Variants in AMBRA1 observed in about 807,000 individuals in gnomAD.
The protein encoded by AMBRA1 is activating molecule in BECN1-regulated autophagy protein 1.
AMBRA1 carries 47 observed loss-of-function variants against 125.4 expected under a neutral mutation model. The observed-to-expected ratio is 0.37, with a 90% confidence interval of 0.30 to 0.48. The LOEUF is 0.48. AMBRA1 is among the 20% of genes least tolerant of loss of function. AMBRA1 has a pLI of 0.99. For missense variants in AMBRA1, 1,331 were observed against 1,693.4 expected, an observed-to-expected ratio of 0.79 and a Z score of 3.76; for synonymous variants, 626 against 655.5, an observed-to-expected ratio of 0.95 and a Z score of 0.69.
intron 1 of AMBRA1, among the ~76,000 whole-genome samples, chr11:46,574,734 C>G (rs1308527366): frequency 3.3e-5 from 5 of 152,186 alleles, no homozygotes; most frequent in Non-Finnish European, 7.3e-5. Context: ...CTCTTGGGCA[C>G]CTCCAAAGAA....
intron 1 of AMBRA1, among the ~76,000 whole-genome samples, chr11:46,571,926 G>C (rs1364694759): frequency 6.6e-6 from 1 of 152,012 alleles, no homozygotes; most frequent in Non-Finnish European, 1.5e-5. Context: ...CTGACCTCGT[G>C]ATCCGCCTGC....
intron 1 of AMBRA1, among the ~76,000 whole-genome samples, chr11:46,551,449 T>C (rs1213003892): frequency 1.3e-5 from 2 of 152,164 alleles, no homozygotes; most frequent in Non-Finnish European, 2.9e-5. Flanking sequence ...AGTAGCTAAC[T>C]TTTAAAATTA....
At chr11:46,526,262 C>T (rs1951966263) in intron 7 of AMBRA1, among the ~76,000 whole-genome samples, 1 of 151,812 alleles carries the variant, frequency 6.6e-6, no homozygotes, top group Non-Finnish European at 1.5e-5. Context: ...AGATATGGCC[C>T]TTAGAGTAGT....
intron 11 of AMBRA1, among the ~76,000 whole-genome samples, chr11:46,485,540 T>C (rs1267192863): frequency 6.6e-6 from 1 of 152,212 alleles, no homozygotes; most frequent in African/African-American, 2.4e-5. Flanking sequence ...ACATAGATAT[T>C]GGGCTACTCC....
intron 14 of AMBRA1, among the ~76,000 whole-genome samples, chr11:46,430,521 A>C (rs763545801): frequency 2.6e-5 from 4 of 152,370 alleles, no homozygotes; most frequent in Non-Finnish European, 5.9e-5. Context: ...CAAGAACCAC[A>C]GTTTGAGAAG....
intron 1 of AMBRA1, among the ~76,000 whole-genome samples, chr11:46,586,213 CTGGCCAACA>C (rs1276171557): frequency 2.4e-4 from 37 of 152,244 alleles, no homozygotes; most frequent in Admixed American, 2.2e-3. Flanking sequence ...CAACACAAGC[CTGGCCAACA>C]TGGCAAAACT....
chr11:46,433,166 C>G (rs573338094), intron 14 of AMBRA1, among the ~76,000 whole-genome samples: 1 of 152,314 alleles, frequency 6.6e-6, no homozygotes, highest in East Asian at 1.9e-4. Context: ...TTCATTGGGT[C>G]CTTTATGCAT....
At chr11:46,591,179 T>TA (rs2044582726) in intron 1 of AMBRA1, 2 of 152,344 alleles carry the variant, frequency 1.3e-5, no homozygotes, top group African/African-American at 4.8e-5. Context: ...ATAGTCCTTA[T>TA]AACTCTAAAT....
intron 1 of AMBRA1, among the ~76,000 whole-genome samples, chr11:46,557,136 C>CAA (rs760490717): frequency 2.6e-5 from 3 of 113,254 alleles, no homozygotes; most frequent in Admixed American, 9.2e-5. Flanking sequence ...AACTCCATCT[C>CAA]AAAAAAAAAA....
chr11:46,577,991 T>A (rs1208976825), intron 1 of AMBRA1, among the ~76,000 whole-genome samples: 2 of 151,932 alleles, frequency 1.3e-5, no homozygotes, highest in South Asian at 4.1e-4. Context: ...AGAAGCTGAG[T>A]GTGGTGGTTT....
chr11:46,439,825 A>G (rs1947914434), intron 12 of AMBRA1, among the ~76,000 whole-genome samples: 1 of 152,218 alleles, frequency 6.6e-6, no homozygotes, highest in African/African-American at 2.4e-5. Context: ...ACAGGTCAAG[A>G]GAAGGGAACA....
chr11:46,515,921 G>A (rs1327680231), intron 7 of AMBRA1, among the ~76,000 whole-genome samples: 4 of 152,124 alleles, frequency 2.6e-5, no homozygotes, highest in Non-Finnish European at 5.9e-5. Flanking sequence ...TGATCCGCCC[G>A]CTTTGGCCTC....
At chr11:46,492,077 C>T (rs892946493) in intron 11 of AMBRA1, among the ~76,000 whole-genome samples, 1 of 152,184 alleles carries the variant, frequency 6.6e-6, no homozygotes, top group African/African-American at 2.4e-5. Context: ...AAAGCTTTAA[C>T]GTGCCTTCGG....
chr11:46,475,243 G>T (rs745807804), intron 11 of AMBRA1, among the ~76,000 whole-genome samples: 4 of 152,188 alleles, frequency 2.6e-5, no homozygotes, highest in East Asian at 1.9e-4. Context: ...AATAAGAGAA[G>T]AATTCAAGTC....
At chr11:46,488,787 GAAC>G (rs1950354077) in intron 11 of AMBRA1, among the ~76,000 whole-genome samples, 1 of 152,074 alleles carries the variant, frequency 6.6e-6, no homozygotes, top group Non-Finnish European at 1.5e-5. Flanking sequence ...TTAAATAAGA[GAAC>G]AACAGAAGGA....
chr11:46,433,335 T>C, intron 14 of AMBRA1, 139 bp downstream of exon 14: 1 of 1,084,006 alleles, frequency 9.2e-7, no homozygotes, highest in Non-Finnish European at 1.3e-6. Context: ...ATGGATGGGC[T>C]TGACTACAGC....
At chr11:46,525,207 A>C (rs1402393285) in intron 7 of AMBRA1, among the ~76,000 whole-genome samples, 1 of 152,200 alleles carries the variant, frequency 6.6e-6, no homozygotes, top group Non-Finnish European at 1.5e-5. Context: ...AGGCTGAGGC[A>C]AGAGGATTCC....
intron 11 of AMBRA1, among the ~76,000 whole-genome samples, chr11:46,466,922 CTTTTTTTT>C (rs11313362): frequency 6.6e-5 from 7 of 105,778 alleles, no homozygotes; most frequent in African/African-American, 1.1e-4. Flanking sequence ...TTTCTTTTTT[CTTTTTTTT>C]TTTTTTGAGA....
chr11:46,542,941 T>C lies in AMBRA1; in HGVS notation c.1076A>G (p.Gln359Arg), dbSNP rs370668853. ...CCGGTTCAGGAGGCCCTGGTCCTGC[T>C]GCGTTGACGAGGCCTGCTCCGGGGG... ...FHPPEQASST[Q>R]QDQGLLNRPS... is the part of the protein sequence containing the mutation. Residue 359 changes from glutamine (Q) to arginine (R), a missense_variant, in exon 7 of 18, where the codon CAG (glutamine) becomes CGG (arginine). Physicochemically the swap from Gln to Arg is conservative, Grantham distance 43. Transcript: ENST00000683756. The surrounding 1 kb of genome is among the most constrained non-coding windows in gnomAD (Gnocchi z 5.9). The C allele has an allele frequency of 2.5e-6, 4 of 1,609,120 alleles. No individual in the cohort carries two copies. The highest frequency in any genetic ancestry group is 1.3e-5 in the African/African-American group (1 of 74,876).
Sources: gnomAD v4.1 joint callset for allele counts (sites outside exome capture counted in the v4.1 genomes callset) on GRCh38, gnomAD v4.1.1 for gene constraint, Gnocchi (gnomAD v3.1) non-coding constraint, MANE v1.5 for transcripts, NCBI Gene and HGNC (gene_info 2026-07-23, HGNC 2026-07-21) for gene names.